Variants in RNLS observed in about 807,000 individuals in gnomAD.
RNLS encodes the protein renalase.
RNLS carries 39 observed loss-of-function variants against 39.8 expected under a neutral mutation model. That is an observed-to-expected ratio of 0.98 (90% CI 0.76 to 1.28). RNLS has a LOEUF of 1.28. Ranked by LOEUF, RNLS falls within the 50% of genes most tolerant of loss-of-function variation. The probability of loss-of-function intolerance (pLI) is 0.00; values close to 1 mark genes in which losing one functional copy is unlikely to be tolerated. For missense variants in RNLS, 410 were observed against 413.3 expected (o/e 0.99, Z 0.07); for synonymous variants, 147 against 150.7 (o/e 0.98, Z 0.18).
chr10:88,287,874 G>T (rs942294310), intron 6 of RNLS, among the ~76,000 whole-genome samples: 1 of 151,956 alleles, frequency 6.6e-6, no homozygotes, highest in African/African-American at 2.4e-5. Context: ...CAACACATGG[G>T]AATTATGGGG....
chr10:88,304,398 A>G (rs1844766190), intron 6 of RNLS, among the ~76,000 whole-genome samples: 1 of 152,240 alleles, frequency 6.6e-6, no homozygotes, highest in African/African-American at 2.4e-5. Context: ...AATGAAGAAC[A>G]CTGAGCTTCA....
At chr10:88,526,369 C>T (rs567777722) in intron 4 of RNLS, among the ~76,000 whole-genome samples, 14 of 151,766 alleles carry the variant, frequency 9.2e-5, no homozygotes, top group African/African-American at 3.1e-4. Flanking sequence ...TGTTTATTTA[C>T]GCTTCCTTAT....
the RNLS span, among the ~76,000 whole-genome samples, chr10:88,180,334 G>C: frequency 6.6e-6 from 1 of 152,142 alleles, no homozygotes; most frequent in Admixed American, 6.5e-5. Flanking sequence ...TGCAGCTGTA[G>C]AGAGTCAGTG....
In RNLS at chr10:88,472,475, A is replaced by T. The variant is rs530947564; in HGVS notation, c.526+100428T>A. Among the ~76,000 whole-genome samples the T allele has an allele frequency of 6.5e-3, 990 of 152,236 alleles. 5 individuals carry two copies. The highest frequency in any genetic ancestry group is 9.5e-3 in the South Asian group (46 of 4,822). On this transcript the variant is annotated intron_variant, in intron 4 of 6. Coordinates refer to ENST00000331772, the MANE Select transcript of RNLS (RefSeq NM_001031709.3). ...AGCAGCACGATAGGCATGAAAATGG[A>T]AGGGATCTGCCCAAACAAGACTTCA...
chr10:88,224,883 A>G, the RNLS span, among the ~76,000 whole-genome samples: 1 of 152,142 alleles, frequency 6.6e-6, no homozygotes, highest in Admixed American at 6.5e-5. Flanking sequence ...TTAATCCCCA[A>G]CCACTCCTAT....
chr10:88,338,764 T>G (rs1379725994), intron 5 of RNLS, among the ~76,000 whole-genome samples: 1 of 145,312 alleles, frequency 6.9e-6, no homozygotes, highest in East Asian at 2.0e-4. Flanking sequence ...TTTCCTTTTT[T>G]TTTTTTTTTT....
At chr10:88,242,157 GT>G in the RNLS span, among the ~76,000 whole-genome samples, 1 of 152,130 alleles carries the variant, frequency 6.6e-6, no homozygotes, top group South Asian at 2.1e-4. Flanking sequence ...ATTACCCAAT[GT>G]CCCTTTCCTC....
At chr10:88,436,844 C>T (rs1037920338) in intron 4 of RNLS, among the ~76,000 whole-genome samples, 10 of 151,994 alleles carry the variant, frequency 6.6e-5, no homozygotes, top group African/African-American at 1.9e-4. Context: ...ACTTTATTAC[C>T]ATTAAGTGCC....
chr10:88,525,773 G>GT (rs1847070058), intron 4 of RNLS, among the ~76,000 whole-genome samples: 1 of 152,116 alleles, frequency 6.6e-6, no homozygotes, highest in Non-Finnish European at 1.5e-5. Context: ...GAGTATTGCT[G>GT]TGGGGTACAA....
intron 4 of RNLS, among the ~76,000 whole-genome samples, chr10:88,524,937 TATATATATATGGCACACACATAC>T (rs1846991587): frequency 2.2e-5 from 3 of 134,964 alleles, no homozygotes; most frequent in South Asian, 2.5e-4. Context: ...ATGCCATATA[TATATATATATGGCACACACATAC>T]ATATATATAT....
At chr10:88,306,112 G>A (rs1208787697) in intron 6 of RNLS, among the ~76,000 whole-genome samples, 1 of 152,074 alleles carries the variant, frequency 6.6e-6, no homozygotes, top group Non-Finnish European at 1.5e-5. Context: ...CAGAAATCAG[G>A]AATTTATTTG....
At chr10:88,566,042 C>T (rs941534037) in intron 4 of RNLS, among the ~76,000 whole-genome samples, 17 of 151,552 alleles carry the variant, frequency 1.1e-4, no homozygotes, top group South Asian at 8.4e-4. Flanking sequence ...CCACCGCGCC[C>T]GGCCAATATC....
At chr10:88,531,893 T>C (rs1239442974) in intron 4 of RNLS, among the ~76,000 whole-genome samples, 2 of 152,082 alleles carry the variant, frequency 1.3e-5, no homozygotes, top group East Asian at 3.8e-4. Context: ...GATCAGCTCT[T>C]TAGGGCCAGA....
the RNLS span, among the ~76,000 whole-genome samples, chr10:88,219,888 T>C: frequency 6.6e-6 from 1 of 152,224 alleles, no homozygotes; most frequent in Non-Finnish European, 1.5e-5. Flanking sequence ...TGAGCTCCTT[T>C]GCCCCCTTCT....
chr10:88,263,189 A>G, the RNLS span, among the ~76,000 whole-genome samples: 2 of 152,126 alleles, frequency 1.3e-5, no homozygotes, highest in Non-Finnish European at 2.9e-5. Flanking sequence ...TATTCAAGGA[A>G]AACTGAAGAG....
At chr10:88,193,876 C>A in the RNLS span, among the ~76,000 whole-genome samples, 1 of 152,112 alleles carries the variant, frequency 6.6e-6, no homozygotes, top group African/African-American at 2.4e-5. Context: ...ACACACTGAC[C>A]CACTACAATG....
At chr10:88,419,326 C>G (rs1430209803) in intron 4 of RNLS, among the ~76,000 whole-genome samples, 3 of 152,176 alleles carry the variant, frequency 2.0e-5, no homozygotes, top group Non-Finnish European at 4.4e-5. Context: ...AATCTAGAAA[C>G]ATAATGCAAG....
chr10:88,395,953 G>GA (rs1852533330), intron 4 of RNLS, among the ~76,000 whole-genome samples: 2 of 151,864 alleles, frequency 1.3e-5, no homozygotes, highest in South Asian at 2.1e-4. Flanking sequence ...AAAGCTGAGA[G>GA]AAAAAAACAT....
At chr10:88,397,820 C>T (rs1348891380) in intron 4 of RNLS, among the ~76,000 whole-genome samples, 4 of 152,016 alleles carry the variant, frequency 2.6e-5, no homozygotes, top group South Asian at 2.1e-4. Context: ...ACTCACACTT[C>T]CCAATTTCAA....
Sources: allele counts gnomAD v4.1 joint callset (sites outside exome capture counted in the v4.1 genomes callset), GRCh38; gene constraint gnomAD v4.1.1; transcripts MANE v1.5; gene names NCBI Gene and HGNC (gene_info 2026-07-23, HGNC 2026-07-21).